DYNC1I1: variants seen among roughly 807,000 people sequenced by gnomAD.
The protein encoded by DYNC1I1 is dynein cytoplasmic 1 intermediate chain 1.
DYNC1I1 carries 43 observed loss-of-function variants against 86.6 expected under a neutral mutation model. The observed-to-expected ratio is 0.50, with a 90% CI of 0.39 to 0.64. DYNC1I1 has a LOEUF of 0.64. Ranked by LOEUF, DYNC1I1 falls within the 30% of genes least tolerant of loss-of-function variation. DYNC1I1 has a pLI of 0.00. For synonymous variants in DYNC1I1, 262 were observed against 283.7 expected, an observed-to-expected ratio of 0.92 and a Z score of 0.77; for missense variants, 604 against 788.8, an observed-to-expected ratio of 0.77 and a Z score of 2.81.
chr7:95,811,608 A>G (rs1228523879), intron 3 of DYNC1I1, among the ~76,000 whole-genome samples: 1 of 152,142 alleles, frequency 6.6e-6, no homozygotes, highest in African/African-American at 2.4e-5. Flanking sequence ...ATTAAAAATC[A>G]TTTTATACTC....
At chr7:95,977,426 A>G in intron 6 of DYNC1I1, 86 bp from the exon 7 acceptor site, 1 of 1,238,404 alleles carries the variant, frequency 8.1e-7, no homozygotes, top group Admixed American at 2.4e-5. Context: ...TTGGAACTTT[A>G]CCCTTTACCC....
intron 6 of DYNC1I1, among the ~76,000 whole-genome samples, chr7:95,906,206 T>C (rs1227647973): frequency 6.6e-6 from 1 of 152,206 alleles, no homozygotes; most frequent in Admixed American, 6.5e-5. Context: ...GAATATAGCA[T>C]GGACTGTTGT....
chr7:95,930,050 C>G (rs1051774007), intron 6 of DYNC1I1, among the ~76,000 whole-genome samples: 36 of 152,208 alleles, frequency 2.4e-4, no homozygotes, highest in African/African-American at 8.2e-4. Context: ...CCTGATTTCT[C>G]ACTTTTTCAA....
intron 15 of DYNC1I1, among the ~76,000 whole-genome samples, chr7:96,079,149 A>G (rs1412406383): frequency 6.6e-6 from 1 of 152,128 alleles, no homozygotes; most frequent in African/African-American, 2.4e-5. Flanking sequence ...TTTTATTGCT[A>G]TTTTAAAGAT....
chr7:96,094,156 G>T (rs1344633456), intron 16 of DYNC1I1, among the ~76,000 whole-genome samples: 2 of 151,378 alleles, frequency 1.3e-5, no homozygotes, highest in African/African-American at 4.8e-5. Context: ...GTATTTCATA[G>T]TCTTCATATT....
intron 1 of DYNC1I1, among the ~76,000 whole-genome samples, chr7:95,784,502 C>G (rs1358094182): frequency 6.6e-6 from 1 of 152,116 alleles, no homozygotes; most frequent in Non-Finnish European, 1.5e-5. Flanking sequence ...CCTCTCCCAC[C>G]CACTCCTTGA....
rs534224055 is a variant in DYNC1I1 at position 96,009,750 on chromosome 7, T to TG, written c.969+13678dup. 2.0e-3 allele frequency among the ~76,000 whole-genome samples: 310 copies of TG among 152,238 alleles called. 2 individuals carry two copies. Among genetic ancestry groups the TG allele is most frequent in the African/African-American group, 7.1e-3 (297 of 41,548 alleles). ...ATTATATTTCAAGTTTGAAATGTAATGCTGTTTACCTCATCACTGGGGCAG... is the reference window on the plus strand; with the variant it reads ...ATTATATTTCAAGTTTGAAATGTAATGGCTGTTTACCTCATCACTGGGGCAG... On this transcript the variant is annotated intron_variant, in intron 10 of 16. Coordinates refer to ENST00000447467, the MANE Select transcript of DYNC1I1 (RefSeq NM_001135556.2).
At position 96,097,538 on chromosome 7, in the gene DYNC1I1, T is replaced by G; in HGVS notation, c.1832T>G (p.Ile611Ser). Residue 611 changes from isoleucine to serine, a missense_variant, in exon 17 of 17, where the codon ATT becomes AGT. Physicochemically the swap from Ile to Ser is moderately radical, Grantham distance 142. Coordinates refer to ENST00000447467, the MANE Select transcript of DYNC1I1 (RefSeq NM_001135556.2). ...CGATTTGCCAGGACCCTTGTGGAAA[T>G]TCGTGCTAACAGAGCTGATAGCGAG... Reference protein sequence around the residue: ...WTRFARTLVEIRANRADSEEE... With the variant: ...WTRFARTLVESRANRADSEEE... The G allele has an allele frequency of 6.2e-7, 1 of 1,613,784 alleles. No individual in the cohort carries two copies. The highest frequency in any genetic ancestry group is 8.5e-7 in the Non-Finnish European group (1 of 1,179,766).
Position 96,077,583 on chromosome 7 carries a change from A to G in DYNC1I1, c.1650+1386A>G, listed in dbSNP as rs552393789. ...ATTGTAAGGGTTTCCCAGAGTCTTC[A>G]TCACTGTTTATTAAAATCATATTGC... On this transcript the variant is annotated intron_variant, in intron 15 of 16. Coordinates refer to ENST00000447467, the MANE Select transcript of DYNC1I1 (RefSeq NM_001135556.2). 5.1e-4 allele frequency among the ~76,000 whole-genome samples: 78 copies of G among 152,282 alleles called. 3 individuals carry two copies. In the South Asian group the frequency reaches 0.016, roughly 31 times the overall value.
intron 12 of DYNC1I1, 70 bp from the exon 13 acceptor site, chr7:96,035,549 T>C: frequency 6.7e-7 from 1 of 1,494,474 alleles, no homozygotes; most frequent in African/African-American, 1.4e-5. Flanking sequence ...AGCCAAATGA[T>C]TTTTCCGTGC....
chr7:95,987,274 C>T, intron 9 of DYNC1I1, 119 bp downstream of exon 9: 1 of 852,740 alleles, frequency 1.2e-6, no homozygotes, highest in Non-Finnish European at 1.9e-6. Flanking sequence ...TGGTTTTTTT[C>T]CCCTCATTTT....
At chr7:95,792,403 A>G (rs1372626880) in intron 1 of DYNC1I1, among the ~76,000 whole-genome samples, 1 of 152,208 alleles carries the variant, frequency 6.6e-6, no homozygotes, top group Non-Finnish European at 1.5e-5. Flanking sequence ...CTCTGAAGCA[A>G]GTCAAAGGAC....
intron 2 of DYNC1I1, 105 bp from the exon 3 acceptor site, chr7:95,810,287 T>C: frequency 2.4e-6 from 2 of 819,864 alleles, no homozygotes; most frequent in Non-Finnish European, 3.7e-6. Flanking sequence ...TATTTAGGGC[T>C]TTCACCTTGT....
intron 1 of DYNC1I1, among the ~76,000 whole-genome samples, chr7:95,793,442 G>A (rs1794360167): frequency 6.6e-6 from 1 of 152,068 alleles, no homozygotes; most frequent in Non-Finnish European, 1.5e-5. Context: ...CCCAGAAGTG[G>A]AAGAGGAAAA....
Position 95,984,816 on chromosome 7 carries a change from C to T in DYNC1I1, c.582C>T (p.Ala194=). The T allele has an allele frequency of 1.3e-6, 2 of 1,576,374 alleles. No individual in the cohort carries two copies. Among genetic ancestry groups the T allele is most frequent in the Non-Finnish European group, 8.6e-7 (1 of 1,167,596 alleles). The change falls in exon 8 of 17, where the codon GCC becomes GCT. Residue 194 remains alanine (A), a splice_region_variant and synonymous_variant. Coordinates refer to ENST00000447467, the MANE Select transcript of DYNC1I1 (RefSeq NM_001135556.2). ...TTACAAAAAAATAAATAAATAAAGC[C>T]CCTCCAAGAGAGTTGACAGAGGAAG... ...NQDKKQEVKE[A]PPRELTEEEK... is the part of the protein sequence containing the mutation.
At chr7:96,037,993 A>C (rs1788914437) in intron 13 of DYNC1I1, among the ~76,000 whole-genome samples, 1 of 152,136 alleles carries the variant, frequency 6.6e-6, no homozygotes, top group Non-Finnish European at 1.5e-5. Flanking sequence ...CTCATTTTGC[A>C]CCCTATAAAT....
intron 16 of DYNC1I1, among the ~76,000 whole-genome samples, chr7:96,090,414 TG>T (rs1790805994): frequency 6.6e-6 from 1 of 152,184 alleles, no homozygotes; most frequent in Admixed American, 6.5e-5. Context: ...GCTGGCTTAT[TG>T]AAATTGATAG....
chr7:95,789,026 A>G (rs1458030631), intron 1 of DYNC1I1, among the ~76,000 whole-genome samples: 4 of 152,176 alleles, frequency 2.6e-5, no homozygotes, highest in African/African-American at 9.7e-5. Context: ...TTTTCACTCA[A>G]AGTGACAGAT....
At chr7:96,013,801 G>A (rs1794336946) in intron 10 of DYNC1I1, among the ~76,000 whole-genome samples, 1 of 152,170 alleles carries the variant, frequency 6.6e-6, no homozygotes. Flanking sequence ...GGAACTGGCT[G>A]AGGCACAAAG....
Sources: allele counts gnomAD v4.1 joint callset (sites outside exome capture counted in the v4.1 genomes callset), GRCh38; gene constraint gnomAD v4.1.1; transcripts MANE v1.5; gene names NCBI Gene and HGNC (gene_info 2026-07-23, HGNC 2026-07-21).